The following ENOSF1 variants were observed in gnomAD, a reference collection of about 807,000 sequenced individuals.
The protein encoded by ENOSF1 is enolase superfamily member 1.
Under a neutral mutation model 68.2 loss-of-function variants are expected in ENOSF1, and 73 were observed. The ratio of observed to expected loss-of-function variants is 1.07; its 90% CI spans 0.89 to 1.30. The LOEUF (loss-of-function observed/expected upper bound fraction) is 1.30, where lower values mean the gene tolerates loss of function less well. Ranked by LOEUF, ENOSF1 falls within the 50% of genes most tolerant of loss-of-function variation. The pLI is 0.00. For missense variants in ENOSF1, 589 were observed against 554.5 expected (o/e 1.06, Z -0.62); for synonymous variants, 223 against 210.4 (o/e 1.06, Z -0.52).
chr18:676,320 T>C (rs1292588875), intron 14 of ENOSF1, among the ~76,000 whole-genome samples: 3 of 152,210 alleles, frequency 2.0e-5, no homozygotes, highest in African/African-American at 7.2e-5. Context: ...ATCCCCAGTG[T>C]TGGCAGCAGG....
intron 9 of ENOSF1, 92 bp downstream of exon 9, chr18:688,482 C>A (rs1358191192): frequency 1.6e-5 from 25 of 1,566,228 alleles, no homozygotes; most frequent in Non-Finnish European, 2.1e-5. Context: ...CCCGTGGGTG[C>A]CTTTTACTCC....
At position 674,390 on chromosome 18, in the gene ENOSF1, G is replaced by C. The variant is rs1041690183; in HGVS notation, c.1247C>G (p.Thr416Arg). 1.5e-5 allele frequency: 24 copies of C among 1,611,800 alleles called. No homozygotes were observed. Among genetic ancestry groups the C allele is most frequent in the Non-Finnish European group, 2.0e-5 (24 of 1,179,198 alleles). Reference sequence around the variant, plus strand: ...CTTTACAGATTCCTCCTTCATTTCTGTTGAGTAGCCGGGATCCTATCAAAG... The same window carrying C: ...CTTTACAGATTCCTCCTTCATTTCTCTTGAGTAGCCGGGATCCTATCAAAG... ...YMPPKDPGYS[T>R]EMKEESVKKH... The change falls in exon 16 of 16, where the codon ACA becomes AGA. Residue 416 changes from threonine (T) to arginine (R), a missense_variant. Physicochemically the swap from Thr to Arg is moderately conservative, Grantham distance 71. Transcript: ENST00000647584.
At chr18:699,333 G>C (rs954728323) in intron 2 of ENOSF1, among the ~76,000 whole-genome samples, 1 of 151,856 alleles carries the variant, frequency 6.6e-6, no homozygotes, top group Non-Finnish European at 1.5e-5. Context: ...GCGGTGGTGC[G>C]CCTGTGGTCC....
chr18:699,091 C>T (rs558397980), intron 2 of ENOSF1, among the ~76,000 whole-genome samples: 1 of 152,282 alleles, frequency 6.6e-6, no homozygotes, highest in Admixed American at 6.5e-5. Flanking sequence ...GAACTCTGGG[C>T]TCAAGCAATC....
At chr18:684,758 G>C (rs2076456435) in intron 10 of ENOSF1, among the ~76,000 whole-genome samples, 1 of 152,068 alleles carries the variant, frequency 6.6e-6, no homozygotes, top group Admixed American at 6.5e-5. Context: ...CCTCATCCCT[G>C]ATCTTATTGT....
At chr18:666,868 T>G (rs1370864666), downstream of ENOSF1, among the ~76,000 whole-genome samples, 3 of 150,128 alleles carry the variant, frequency 2.0e-5, no homozygotes, top group African/African-American at 7.5e-5. Context: ...GAGGTTTTGT[T>G]AGGGATGACG....
rs1198146325 is a variant in ENOSF1, at chr18:677,360, G to A, written c.1133C>T (p.Ala378Val). 10 of 1,613,620 alleles carry A rather than the reference G, an allele frequency of 6.2e-6. No individual in the cohort carries two copies. The highest frequency in any genetic ancestry group is 2.7e-5 in the African/African-American group (2 of 74,876). Residue 378 changes from alanine (A) to valine (V), a missense_variant, in exon 14 of 16, where the codon GCA (alanine) becomes GTA (valine). By Grantham distance (64) the Ala-to-Val change is moderately conservative. Coordinates refer to ENST00000647584, the MANE Select transcript of ENOSF1 (RefSeq NM_017512.7). ...LIIFDYISVS[A>V]SLENRVCEYV... Reference sequence around the variant, plus strand: ...CATTACTGACCTATTTTCAAGGCTTGCAGAAACTGATATGTAGTCAAATAT... The same window carrying A: ...CATTACTGACCTATTTTCAAGGCTTACAGAAACTGATATGTAGTCAAATAT...
rs760205110 is a variant in ENOSF1 at position 697,288 on chromosome 18, G to C, written c.261C>G (p.Asp87Glu). 5 of 1,614,002 alleles carry C rather than the reference G, an allele frequency of 3.1e-6. No individual in the cohort carries two copies. The highest frequency in any genetic ancestry group is 1.3e-5 in the African/African-American group (1 of 75,036). Residue 87 changes from aspartate to glutamate, a missense_variant, in exon 3 of 16, where the codon GAC becomes GAG. Asp to Glu is a conservative substitution (Grantham distance 45). Transcript: ENST00000647584. ...TGAGCTGCCTATAGAAGCCTCTGAA[G>C]TCACCAACAATGTCCTTGAGGTCCT... ...LNKDLKDIVGDFRGFYRQLTS... is the reference protein window; with the variant it reads ...LNKDLKDIVGEFRGFYRQLTS...
chr18:696,488 G>A (rs1169937327), intron 3 of ENOSF1, among the ~76,000 whole-genome samples: 1 of 152,074 alleles, frequency 6.6e-6, no homozygotes, highest in African/African-American at 2.4e-5. Flanking sequence ...TGGGATTACA[G>A]GAGTGAGCCA....
At chr18:678,594 A>G (rs1598536976) in intron 12 of ENOSF1, 102 bp downstream of exon 12, 2 of 1,144,706 alleles carry the variant, frequency 1.7e-6, no homozygotes, top group East Asian at 4.7e-5. Flanking sequence ...AACTCAAAGT[A>G]CAGCAGGTGA....
chr18:675,478 G>T, intron 14 of ENOSF1, 76 bp from the exon 15 acceptor site: 1 of 1,263,978 alleles, frequency 7.9e-7, no homozygotes, highest in South Asian at 1.3e-5. Context: ...TAAAGCAGAA[G>T]GAGCGAGTAC....
At chr18:707,809 C>T (rs976484605) in intron 1 of ENOSF1, among the ~76,000 whole-genome samples, 32 of 151,890 alleles carry the variant, frequency 2.1e-4, no homozygotes, top group African/African-American at 7.7e-4. Context: ...TTTTAAGGAG[C>T]TTTAGTAATT....
chr18:666,715 C>G (rs1223463555), downstream of ENOSF1, among the ~76,000 whole-genome samples: 1 of 152,196 alleles, frequency 6.6e-6, no homozygotes, highest in African/African-American at 2.4e-5. Flanking sequence ...GTCATGAGAT[C>G]TGTTAAATGT....
chr18:668,069 G>T (rs2074891978), downstream of ENOSF1, among the ~76,000 whole-genome samples: 1 of 142,786 alleles, frequency 7.0e-6, no homozygotes, highest in Non-Finnish European at 1.5e-5. Context: ...ATAATATCTT[G>T]GGTAACATCC....
At chr18:711,559 G>C (rs2741187) in intron 1 of ENOSF1, among the ~76,000 whole-genome samples, 66,426 of 151,792 alleles carry the variant, frequency 0.44, 14,541 homozygotes, top group African/African-American at 0.49. Flanking sequence ...TGGACTACGA[G>C]GGGCAGTGAG....
chr18:710,143 C>T lies in ENOSF1; in HGVS notation c.84+2361G>A, dbSNP rs548916721. On this transcript the variant is annotated intron_variant, in intron 1 of 15. Coordinates refer to ENST00000647584, the MANE Select transcript of ENOSF1 (RefSeq NM_017512.7). ...CTGTCTTTTGAGACAGGGTCTCTCT[C>T]TCTCACCCAGGCTGGAGTGCAGTGA... Among the ~76,000 whole-genome samples the T allele has an allele frequency of 1.2e-4, 18 of 152,216 alleles. No homozygotes were observed. The East Asian group carries it at 3.1e-3, about 26-fold the overall frequency.
At chr18:676,543 G>A (rs551553580) in intron 14 of ENOSF1, among the ~76,000 whole-genome samples, 1 of 152,300 alleles carries the variant, frequency 6.6e-6, no homozygotes, top group South Asian at 2.1e-4. Context: ...TCCAGAAGCT[G>A]AGCAGAAGCC....
At chr18:679,274 AT>A (rs1408616832) in intron 11 of ENOSF1, among the ~76,000 whole-genome samples, 2 of 141,264 alleles carry the variant, frequency 1.4e-5, no homozygotes, top group African/African-American at 5.4e-5. Flanking sequence ...CAGTGGCATG[AT>A]CTTAGCTCAC....
At chr18:692,616 A>G in intron 5 of ENOSF1, 1 of 770,228 alleles carries the variant, frequency 1.3e-6, no homozygotes, top group Non-Finnish European at 1.6e-6. Flanking sequence ...AAAAAGAAAG[A>G]AAGAAAAAAA....
Sources: gnomAD v4.1 joint callset for allele counts (sites outside exome capture counted in the v4.1 genomes callset) on GRCh38, gnomAD v4.1.1 for gene constraint, MANE v1.5 for transcripts, NCBI Gene and HGNC (gene_info 2026-07-23, HGNC 2026-07-21) for gene names.